Variants in USH2A observed in about 807,000 individuals in gnomAD.
USH2A encodes the protein Usher syndrome 2A (autosomal recessive, mild).
Under a neutral mutation model 538.9 loss-of-function variants are expected in USH2A, and 443 were observed. The ratio of observed to expected loss-of-function variants is 0.82; its 90% CI spans 0.76 to 0.89. USH2A has a LOEUF of 0.89. Among genes scored for constraint, USH2A ranks in the 40% least tolerant of loss-of-function variants. USH2A has a pLI of 0.00. For synonymous variants in USH2A, 2,413 were observed against 2,273.5 expected (o/e 1.06, Z -1.75); for missense variants, 6,633 against 6,324.8 (o/e 1.05, Z -1.65).
intron 56 of USH2A, 102 bp downstream of exon 56, chr1:215,766,579 T>A (rs1661134554): frequency 8.9e-6 from 10 of 1,122,230 alleles, no homozygotes; most frequent in Non-Finnish European, 1.3e-6. Flanking sequence ...ACCTATCAAC[T>A]TTATTGCCTC....
In USH2A at chr1:215,741,370, C is replaced by T. The variant is rs1660295370; in HGVS notation, c.11711+5G>A. On this transcript the variant is annotated splice_donor_5th_base_variant and intron_variant, in intron 60 of 71. Coordinates refer to ENST00000307340, the MANE Select transcript of USH2A (RefSeq NM_206933.4). ...ACTAAAAATAATAGTAACAGCCAAT[C>T]TTACCTGTAAATAAAGTAGTTGATG... 1 of 1,613,748 alleles carries T rather than the reference C, an allele frequency of 6.2e-7. No individual in the cohort carries two copies. Among genetic ancestry groups the T allele is most frequent in the Admixed American group, 1.7e-5 (1 of 59,990 alleles).
chr1:215,812,533 G>T lies in USH2A; in HGVS notation c.9739+1203C>A, dbSNP rs1472490120. 2.0e-5 allele frequency among the ~76,000 whole-genome samples: 3 copies of T among 152,102 alleles called. No individual in the cohort carries two copies. In the East Asian group the frequency reaches 5.8e-4, roughly 29 times the overall value. On this transcript the variant is annotated intron_variant, in intron 49 of 71. Coordinates refer to ENST00000307340, the MANE Select transcript of USH2A (RefSeq NM_206933.4). ...ATTTCACATGCCTTGGATGGATATA[G>T]TTATACTGAACATAATTTACAGGAA...
In USH2A at chr1:215,934,664, G is replaced by T. The variant is rs1262149055; in HGVS notation, c.7252C>A (p.Gln2418Lys). The change falls in exon 38 of 72, where the codon CAA becomes AAA. Residue 2418 changes from glutamine (Q) to lysine (K), a missense_variant. Coordinates refer to ENST00000307340, the MANE Select transcript of USH2A (RefSeq NM_206933.4). ...ATAGGATCAGTTATCAAGCTGCCTTGGCTATTTGAAATATTCACTTGTACA... is the reference window on the plus strand; with the variant it reads ...ATAGGATCAGTTATCAAGCTGCCTTTGCTATTTGAAATATTCACTTGTACA... ...YTVQVNISNSQGSLITDPITI... is the reference protein window; with the variant it reads ...YTVQVNISNSKGSLITDPITI... The T allele has an allele frequency of 1.1e-5, 17 of 1,612,604 alleles. No individual in the cohort carries two copies. Among genetic ancestry groups the T allele is most frequent in the Non-Finnish European group, 1.1e-5 (13 of 1,179,074 alleles).
At chr1:216,016,549 C>A (rs886136984) in intron 32 of USH2A, among the ~76,000 whole-genome samples, 32 of 152,246 alleles carry the variant, frequency 2.1e-4, no homozygotes, top group African/African-American at 7.0e-4. Flanking sequence ...TGAAACATCT[C>A]CTGACTCTCT....
intron 11 of USH2A, among the ~76,000 whole-genome samples, chr1:216,270,354 C>G (rs1449090968): frequency 6.6e-6 from 1 of 152,068 alleles, no homozygotes; most frequent in Non-Finnish European, 1.5e-5. Flanking sequence ...TTCATTTGAA[C>G]AGAAAATAAA....
chr1:215,720,781 C>T (rs545976326), intron 61 of USH2A, among the ~76,000 whole-genome samples: 10 of 152,178 alleles, frequency 6.6e-5, no homozygotes, highest in Non-Finnish European at 5.9e-5. Flanking sequence ...GAGTGTATTG[C>T]CTGCATCAGA....
chr1:215,670,948 T>C (rs779542403), intron 64 of USH2A, 24 bp downstream of exon 64: 1 of 1,612,266 alleles, frequency 6.2e-7, no homozygotes, highest in Non-Finnish European at 8.5e-7. Flanking sequence ...TCAGCTCGAA[T>C]TGTTTATAAT....
chr1:216,419,610 C>T (rs767104732), intron 2 of USH2A, among the ~76,000 whole-genome samples: 4 of 152,072 alleles, frequency 2.6e-5, no homozygotes, highest in Non-Finnish European at 5.9e-5. Context: ...TAGGTAATAA[C>T]ACTCATCCAT....
At chr1:216,252,615 T>C (rs2036185326) in intron 11 of USH2A, among the ~76,000 whole-genome samples, 1 of 152,208 alleles carries the variant, frequency 6.6e-6, no homozygotes, top group South Asian at 2.1e-4. Flanking sequence ...TATGAAAATA[T>C]CTAAGACTGA....
chr1:215,878,204 A>T (rs1664823930), intron 42 of USH2A, among the ~76,000 whole-genome samples: 1 of 152,188 alleles, frequency 6.6e-6, no homozygotes, highest in African/African-American at 2.4e-5. Flanking sequence ...CACAAAGCTT[A>T]TCAAGTTAAT....
chr1:216,309,578 C>T (rs1029445700), intron 9 of USH2A, among the ~76,000 whole-genome samples: 3 of 151,946 alleles, frequency 2.0e-5, no homozygotes, highest in Non-Finnish European at 2.9e-5. Context: ...CTTCCTAATA[C>T]GTTGTTGAAA....
At chr1:216,144,592 A>C (rs893864980) in intron 21 of USH2A, among the ~76,000 whole-genome samples, 27 of 152,206 alleles carry the variant, frequency 1.8e-4, no homozygotes, top group African/African-American at 6.3e-4. Context: ...CATTTTGAAA[A>C]TAGTTTAGTC....
intron 43 of USH2A, among the ~76,000 whole-genome samples, chr1:215,867,566 G>T (rs1664508469): frequency 6.6e-6 from 1 of 152,186 alleles, no homozygotes; most frequent in Non-Finnish European, 1.5e-5. Context: ...AGAGTTTTAT[G>T]CTCTTCTTTT....
At chr1:216,330,325 C>T (rs1302476137) in intron 4 of USH2A, among the ~76,000 whole-genome samples, 3 of 152,034 alleles carry the variant, frequency 2.0e-5, no homozygotes, top group East Asian at 1.9e-4. Context: ...GAATGCAATA[C>T]ATTTTATGAA....
At chr1:216,295,173 T>C (rs550986959) in intron 9 of USH2A, among the ~76,000 whole-genome samples, 1 of 151,790 alleles carries the variant, frequency 6.6e-6, no homozygotes, top group East Asian at 1.9e-4. Flanking sequence ...GAAGAAGAAA[T>C]TGCTACTTCA....
chr1:216,379,665 G>C lies in USH2A; in HGVS notation c.652-14580C>G, dbSNP rs74141569. 3.8e-3 allele frequency among the ~76,000 whole-genome samples: 571 copies of C among 152,254 alleles called. 8 individuals carry two copies. Among genetic ancestry groups the C allele is most frequent in the African/African-American group, 0.012 (513 of 41,556 alleles). ...CAGATTTCCCAAGGATTTCTCTGAGGAACTAGAGACTTACAATGGGGAGAA... is the reference window on the plus strand; with the variant it reads ...CAGATTTCCCAAGGATTTCTCTGAGCAACTAGAGACTTACAATGGGGAGAA... On this transcript the variant is annotated intron_variant, in intron 3 of 71. Transcript: ENST00000307340.
rs73098672 is a variant in USH2A, at chr1:216,292,627, G to A, written c.1645-257C>T. Among the ~76,000 whole-genome samples the A allele has an allele frequency of 0.017, 2,600 of 152,102 alleles. 66 individuals are homozygous for A. Among genetic ancestry groups the A allele is most frequent in the African/African-American group, 0.057 (2,345 of 41,466 alleles). ...TTTTCTTAATTTTTAATTTTTGTGGGTACGTAGTAGGTGTATGTATTTATA... is the reference window on the plus strand; with the variant it reads ...TTTTCTTAATTTTTAATTTTTGTGGATACGTAGTAGGTGTATGTATTTATA... On this transcript the variant is annotated intron_variant, in intron 9 of 71. Transcript: ENST00000307340.
chr1:216,050,580 C>CCTTTCCTTTCCTTTCCT (rs1255394896), intron 30 of USH2A, among the ~76,000 whole-genome samples: 1 of 30,356 alleles, frequency 3.3e-5, no homozygotes, highest in Admixed American at 3.2e-4. Context: ...TTCTTTCTTT[C>CCTTTCCTTTCCTTTCCT]TTTCTTTCTT....
intron 4 of USH2A, among the ~76,000 whole-genome samples, chr1:216,340,758 C>T (rs560357075): frequency 7.2e-5 from 11 of 152,132 alleles, no homozygotes; most frequent in African/African-American, 1.4e-4. Context: ...GTGATCATCT[C>T]GATAGATGTA....
Sources: allele counts gnomAD v4.1 joint callset (sites outside exome capture counted in the v4.1 genomes callset), GRCh38; gene constraint gnomAD v4.1.1; transcripts MANE v1.5; gene names NCBI Gene and HGNC (gene_info 2026-07-23, HGNC 2026-07-21).